Variants in USP47 observed in about 807,000 individuals in gnomAD.
The protein encoded by USP47 is ubiquitin specific peptidase 47, also known as ubiquitin carboxyl-terminal hydrolase 47.
USP47 carries 35 observed loss-of-function variants against 165.1 expected under a neutral mutation model. That is an observed-to-expected ratio of 0.21 (90% CI 0.16 to 0.28). The LOEUF is 0.28. Ranked by LOEUF, USP47 falls within the 10% of genes least tolerant of loss-of-function variation. The pLI is 1.00. For synonymous variants in USP47, 531 were observed against 544.5 expected, an observed-to-expected ratio of 0.98 and a Z score of 0.35; for missense variants, 1,277 against 1,607.4, an observed-to-expected ratio of 0.79 and a Z score of 3.52.
intron 22 of USP47, among the ~76,000 whole-genome samples, chr11:11,949,262 A>G (rs1041586018): frequency 6.6e-6 from 1 of 152,134 alleles, no homozygotes; most frequent in Non-Finnish European, 1.5e-5. Flanking sequence ...CAAATACCCA[A>G]AAGAATAAGG....
At position 11,940,553 on chromosome 11, in the gene USP47, G is replaced by T. The variant is rs1203412490; in HGVS notation, c.2313+5G>T. On this transcript the variant is annotated splice_donor_5th_base_variant and intron_variant, in intron 19 of 27. Coordinates refer to ENST00000527733, the MANE Select transcript of USP47 (RefSeq NM_001282659.2). Reference sequence around the variant, plus strand: ...GGATTTTTTAGAAGTAACAAGGTATGTCATTTACTTTTTCATTACTATTTT... The same window carrying T: ...GGATTTTTTAGAAGTAACAAGGTATTTCATTTACTTTTTCATTACTATTTT... 6.2e-7 allele frequency: 1 copy of T among 1,609,904 alleles called. No homozygotes were observed. Among genetic ancestry groups the T allele is most frequent in the Non-Finnish European group, 8.5e-7 (1 of 1,177,688 alleles).
chr11:11,908,017 G>A (rs141849897), intron 8 of USP47, among the ~76,000 whole-genome samples: 2,636 of 152,230 alleles, frequency 0.017, 60 homozygotes, highest in East Asian at 0.083. Flanking sequence ...GAACCCAGGA[G>A]GCAGAGGCTG....
In USP47 at chr11:11,930,699, C is replaced by T. The variant is rs1854604635; in HGVS notation, c.1599C>T (p.Ser533=). 6.3e-7 allele frequency: 1 copy of T among 1,599,558 alleles called. No individual in the cohort carries two copies. The part of the protein sequence containing the change: ...RGYYSSAFAS[S]TNAYMLIYRL... ...ATCTTTTTTATGTTTCTACTAGTTCCACAAATGCATATATGCTGATCTATA... is the reference window on the plus strand; with the variant it reads ...ATCTTTTTTATGTTTCTACTAGTTCTACAAATGCATATATGCTGATCTATA... The change falls in exon 14 of 28, where the codon TCC becomes TCT. Residue 533 remains serine (S), a synonymous_variant. Coordinates refer to ENST00000527733, the MANE Select transcript of USP47 (RefSeq NM_001282659.2).
At chr11:11,870,514 A>C (rs926613030) in intron 1 of USP47, among the ~76,000 whole-genome samples, 2 of 152,136 alleles carry the variant, frequency 1.3e-5, no homozygotes, top group African/African-American at 4.8e-5. Context: ...GTCTTTAGCT[A>C]TTCCTTCCTG....
At chr11:11,892,284 G>A (rs73413206) in intron 4 of USP47, among the ~76,000 whole-genome samples, 178 bp downstream of exon 4, 4,241 of 151,324 alleles carry the variant, frequency 0.028, 179 homozygotes, top group African/African-American at 0.097. Flanking sequence ...CAACCCACTC[G>A]TTTCTACTAT....
chr11:11,916,160 A>T (rs1853402396), intron 8 of USP47, among the ~76,000 whole-genome samples: 1 of 152,170 alleles, frequency 6.6e-6, no homozygotes, highest in Admixed American at 6.5e-5. Context: ...GTGTAAAAGG[A>T]TGTGCAGGCT....
chr11:11,873,422 G>T (rs758693437), intron 1 of USP47, among the ~76,000 whole-genome samples: 9 of 152,076 alleles, frequency 5.9e-5, no homozygotes, highest in Non-Finnish European at 1.3e-4. Flanking sequence ...AGTAGCTGTC[G>T]TGAAAAATTC....
chr11:11,955,492 A>G (rs1482111867), intron 27 of USP47, among the ~76,000 whole-genome samples: 1 of 152,158 alleles, frequency 6.6e-6, no homozygotes, highest in Non-Finnish European at 1.5e-5. Context: ...TGTCTGTTAT[A>G]TTTCCAGCAC....
chr11:11,845,568 C>G (rs1277445760), intron 1 of USP47, among the ~76,000 whole-genome samples: 1 of 151,938 alleles, frequency 6.6e-6, no homozygotes, highest in Non-Finnish European at 1.5e-5. Context: ...ACAGCAAAGA[C>G]TTGGTATGTT....
At chr11:11,948,323 T>TA in intron 21 of USP47, 155 bp from the exon 22 acceptor site, 2 of 823,268 alleles carry the variant, frequency 2.4e-6, no homozygotes, top group Non-Finnish European at 3.8e-6. Context: ...GTGTGTCAGT[T>TA]ACTATTCTAG....
At chr11:11,914,572 GA>G (rs1853267136) in intron 8 of USP47, among the ~76,000 whole-genome samples, 1 of 152,064 alleles carries the variant, frequency 6.6e-6, no homozygotes, top group Non-Finnish European at 1.5e-5. Context: ...TTTACTCTCT[GA>G]AAGCCCATAT....
chr11:11,930,794 A>G, intron 14 of USP47, 43 bp downstream of exon 14: 1 of 1,524,114 alleles, frequency 6.6e-7, no homozygotes, highest in Non-Finnish European at 8.9e-7. Flanking sequence ...TGTGTTATAA[A>G]CTAATTTCTT....
chr11:11,880,026 C>T, intron 1 of USP47, 151 bp from the exon 2 acceptor site: 1 of 535,614 alleles, frequency 1.9e-6, no homozygotes, highest in Non-Finnish European at 3.1e-6. Flanking sequence ...GAATGCGTTT[C>T]AGACTACGAT....
chr11:11,935,520 A>C (rs1273193780), intron 16 of USP47, among the ~76,000 whole-genome samples: 1 of 151,978 alleles, frequency 6.6e-6, no homozygotes, highest in Non-Finnish European at 1.5e-5. Context: ...TTATATGCCA[A>C]AAATAGAGCT....
At chr11:11,850,403 C>T (rs1255333355) in intron 1 of USP47, among the ~76,000 whole-genome samples, 8 of 58,680 alleles carry the variant, frequency 1.4e-4, no homozygotes, top group African/African-American at 1.4e-4. Flanking sequence ...AGTTTCCATT[C>T]CTTTTTTTGA....
At chr11:11,867,868 A>C (rs1436906783) in intron 1 of USP47, among the ~76,000 whole-genome samples, 3 of 151,730 alleles carry the variant, frequency 2.0e-5, no homozygotes, top group Non-Finnish European at 4.4e-5. Flanking sequence ...TTTCAAAGCA[A>C]TTCTTGGCTT....
At chr11:11,858,171 T>C (rs1849166363) in intron 1 of USP47, among the ~76,000 whole-genome samples, 1 of 152,208 alleles carries the variant, frequency 6.6e-6, no homozygotes, top group Non-Finnish European at 1.5e-5. Context: ...TTTCATTCTT[T>C]TCCTTGCTTC....
chr11:11,911,298 T>G (rs1852962799), intron 8 of USP47, among the ~76,000 whole-genome samples: 1 of 152,144 alleles, frequency 6.6e-6, no homozygotes, highest in African/African-American at 2.4e-5. Flanking sequence ...GTAACACTTG[T>G]GTCATTAAAG....
chr11:11,885,393 C>G (rs750431106), intron 3 of USP47, among the ~76,000 whole-genome samples: 1 of 152,110 alleles, frequency 6.6e-6, no homozygotes, highest in Non-Finnish European at 1.5e-5. Context: ...TGAAGAAAAG[C>G]AGGGTGGGGC....
Sources: allele counts gnomAD v4.1 joint callset (sites outside exome capture counted in the v4.1 genomes callset), GRCh38; gene constraint gnomAD v4.1.1; transcripts MANE v1.5; gene names NCBI Gene and HGNC (gene_info 2026-07-23, HGNC 2026-07-21).